Variants in NPIPB15 observed in about 807,000 individuals in gnomAD.
NPIPB15 encodes the protein nuclear pore complex-interacting protein family member B15.
NPIPB15 carries 5 observed loss-of-function variants against 35.9 expected under a neutral mutation model. The observed-to-expected ratio is 0.14, with a 90% CI of 0.07 to 0.29. The LOEUF is 0.29. NPIPB15 is among the 10% of genes least tolerant of loss of function. The probability of loss-of-function intolerance (pLI) is 1.00; values close to 1 mark genes in which losing one functional copy is unlikely to be tolerated. For synonymous variants in NPIPB15, 43 were observed against 182.0 expected (o/e 0.24, Z 6.15); for missense variants, 100 against 506.1 (o/e 0.20, Z 7.70).
intron 2 of NPIPB15, among the ~76,000 whole-genome samples, chr16:74,380,080 C>T (rs2011902828): frequency 6.8e-6 from 1 of 147,356 alleles, no homozygotes; most frequent in Non-Finnish European, 1.5e-5. Context: ...CAATGTTATA[C>T]ATCAATTTAA....
intron 5 of NPIPB15, among the ~76,000 whole-genome samples, chr16:74,389,395 T>TG (rs1480817051): frequency 6.7e-6 from 1 of 149,068 alleles, no homozygotes; most frequent in African/African-American, 2.5e-5. Context: ...TTTTCTGAGA[T>TG]GGAGTCTCAC....
At chr16:74,384,966 T>A (rs7197398) in intron 3 of NPIPB15, among the ~76,000 whole-genome samples, 1 of 130,618 alleles carries the variant, frequency 7.7e-6, no homozygotes, top group Non-Finnish European at 1.6e-5. Context: ...CAGGAGTGAG[T>A]CACCGTGCCA....
intron 5 of NPIPB15, among the ~76,000 whole-genome samples, chr16:74,389,184 C>A (rs2012423359): frequency 7.3e-6 from 1 of 136,154 alleles, no homozygotes; most frequent in South Asian, 2.5e-4. Context: ...TCTTTCTGCC[C>A]TGTGAAACAC....
intron 3 of NPIPB15, among the ~76,000 whole-genome samples, chr16:74,384,826 C>T (rs953537086): frequency 4.0e-5 from 6 of 151,808 alleles, no homozygotes; most frequent in Middle Eastern, 3.2e-3. Context: ...GGATTACAGG[C>T]ATGCACCACC....
Position 74,391,080 on chromosome 16 carries a change from A to G in NPIPB15, c.643-311A>G, listed in dbSNP as rs1294893395. ...ACATAGACACTCCTGTGTCTCAAAC[A>G]TGCCTCTTTATTACTCTGTTATGAC... On this transcript the variant is annotated intron_variant, in intron 7 of 7. Transcript: ENST00000692376. The G allele has an allele frequency of 4.2e-6, 4 of 944,826 alleles. No homozygotes were observed. In the African/African-American group the frequency reaches 7.1e-5, roughly 17 times the overall value. The allele number at this position is 944,826 out of a possible 1,614,324, so 58.5% of individuals were successfully genotyped here. A position where few individuals can be genotyped will look rare whatever the true frequency, so the allele number is the denominator to read the frequency against.
chr16:74,378,666 C>G (rs1405521615), intron 2 of NPIPB15, among the ~76,000 whole-genome samples: 13 of 150,660 alleles, frequency 8.6e-5, no homozygotes, highest in Admixed American at 2.7e-4. Flanking sequence ...CCTGCCTCGG[C>G]CTCCCAGTGC....
chr16:74,387,231 G>A (rs1277314555), intron 5 of NPIPB15, among the ~76,000 whole-genome samples: 5 of 150,574 alleles, frequency 3.3e-5, no homozygotes, highest in Non-Finnish European at 5.9e-5. Context: ...AGTACGGGTC[G>A]CTTTCATTGG....
rs1360859344 is a variant in NPIPB15, at chr16:74,391,779, C to T, written c.1031C>T (p.Pro344Leu). The change falls in exon 8 of 8, where the codon CCC becomes CTC. Residue 344 changes from proline to leucine, a missense_variant. Transcript: ENST00000692376. ...PSVDDNLKTP[P>L]LATQEAEAEK... is the part of the protein sequence containing the mutation. ...GTGGATGATAATCTCAAGACTCCTC[C>T]CTTAGCTACTCAGGAGGCCGAGGCG... 1 of 1,614,018 alleles carries T rather than the reference C, an allele frequency of 6.2e-7. No homozygotes were observed. Among genetic ancestry groups the T allele is most frequent in the Non-Finnish European group, 8.5e-7 (1 of 1,179,886 alleles).
chr16:74,384,868 A>G (rs1673771262), intron 3 of NPIPB15, among the ~76,000 whole-genome samples: 1 of 151,168 alleles, frequency 6.6e-6, no homozygotes, highest in Non-Finnish European at 1.5e-5. Context: ...TTTAGCAGAG[A>G]CAGCATTTCT....
In NPIPB15 at chr16:74,391,550, G is replaced by C. The variant is rs762420124; in HGVS notation, c.802G>C (p.Glu268Gln). 1.2e-6 allele frequency: 2 copies of C among 1,614,052 alleles called. No homozygotes were observed. Among genetic ancestry groups the C allele is most frequent in the African/African-American group, 1.3e-5 (1 of 75,076 alleles). Residue 268 changes from glutamate (E) to glutamine (Q), a missense_variant, in exon 8 of 8, where the codon GAA becomes CAA. Physicochemically the swap from Glu to Gln is conservative, Grantham distance 29. Transcript: ENST00000692376. Reference protein sequence around the residue: ...DNSLSLKTPPECLLHPLPPSV... With the variant: ...DNSLSLKTPPQCLLHPLPPSV... Reference sequence around the variant, plus strand: ...CTCCCTGAGCCTCAAGACACCTCCCGAATGTCTCCTTCATCCCCTTCCACC... The same window carrying C: ...CTCCCTGAGCCTCAAGACACCTCCCCAATGTCTCCTTCATCCCCTTCCACC...
At chr16:74,385,259 GC>G (rs2012214055) in intron 3 of NPIPB15, 82 bp from the exon 4 acceptor site, 1 of 1,583,178 alleles carries the variant, frequency 6.3e-7, no homozygotes, top group African/African-American at 1.3e-5. Context: ...TGATCCACCT[GC>G]CTCGGCCTCC....
At chr16:74,384,794 G>T (rs2012177132) in intron 3 of NPIPB15, among the ~76,000 whole-genome samples, 1 of 148,072 alleles carries the variant, frequency 6.8e-6, no homozygotes, top group African/African-American at 2.5e-5. Flanking sequence ...TGATTCTCCT[G>T]CCTCAGCCTC....
intron 5 of NPIPB15, among the ~76,000 whole-genome samples, 191 bp downstream of exon 5, chr16:74,385,940 A>G (rs2012256747): frequency 1.7e-5 from 2 of 119,512 alleles, no homozygotes; most frequent in Admixed American, 1.0e-4. Flanking sequence ...CTTGTTTGTA[A>G]TTTTTTCGGG....
At chr16:74,377,386 G>T (rs2142642943) in intron 1 of NPIPB15, among the ~76,000 whole-genome samples, 40 bp downstream of exon 1, 1 of 152,124 alleles carries the variant, frequency 6.6e-6, no homozygotes, top group Non-Finnish European at 1.5e-5. Flanking sequence ...CTTGCGAGGA[G>T]TGTGGGAGAC....
chr16:74,379,863 C>T (rs976529905), intron 2 of NPIPB15, among the ~76,000 whole-genome samples: 1 of 152,098 alleles, frequency 6.6e-6, no homozygotes, highest in African/African-American at 2.4e-5. Flanking sequence ...GCTGGGATTG[C>T]AGGCGTGAGC....
intron 2 of NPIPB15, 129 bp from the exon 3 acceptor site, chr16:74,381,387 C>G: frequency 1.9e-6 from 2 of 1,044,042 alleles, no homozygotes; most frequent in South Asian, 3.4e-5. Context: ...GCAGTGGAAT[C>G]CCACGGTGAT....
rs1207851456 is a variant in NPIPB15 at position 74,382,906 on chromosome 16, CTTT to C, written c.249+1227_249+1229del. 6.9e-3 allele frequency among the ~76,000 whole-genome samples: 800 copies of C among 115,224 alleles called. 5 individuals are homozygous for C. Among genetic ancestry groups the C allele is most frequent in the East Asian group, 0.024 (77 of 3,184 alleles). 75.6% of individuals were successfully genotyped at this position (115,224 alleles called of 152,430 possible). On this transcript the variant is annotated intron_variant, in intron 3 of 7. Coordinates refer to ENST00000692376, the MANE Select transcript of NPIPB15 (RefSeq NM_001306094.2). ...AATTTTTGGTATAAATTGGAGGAAG[CTTT>C]TTTTTTTTTTTTTTTTTTCTTTTCT... is the stretch of plus-strand genomic sequence containing the variant.
chr16:74,376,913 G>T lies in NPIPB15; in HGVS notation c.-456G>T, dbSNP rs2011688359. Reference sequence around the variant, plus strand: ...AATTTTGAATTAGCTTTTAATCATTGACTTCTAGCACAGTTATATGATCAG... The same window carrying T: ...AATTTTGAATTAGCTTTTAATCATTTACTTCTAGCACAGTTATATGATCAG... On this transcript the variant is annotated 5_prime_UTR_variant, in exon 1 of 8. An upstream open reading frame in the 5' UTR loses its in-frame stop. Transcript: ENST00000692376. Among the ~76,000 whole-genome samples, 2 of 146,486 alleles carry T rather than the reference G, an allele frequency of 1.4e-5. No homozygotes were observed. The highest frequency in any genetic ancestry group is 1.4e-4 in the Admixed American group (2 of 13,874).
chr16:74,384,683 T>TTTTA (rs2012167742), intron 3 of NPIPB15, among the ~76,000 whole-genome samples: 1 of 87,948 alleles, frequency 1.1e-5, no homozygotes, highest in African/African-American at 4.7e-5. Flanking sequence ...TTTTTTTTTT[T>TTTTA]TTTTTTTTTT....
Sources: gnomAD v4.1 joint callset for allele counts (sites outside exome capture counted in the v4.1 genomes callset) on GRCh38, gnomAD v4.1.1 for gene constraint, MANE v1.5 for transcripts, NCBI Gene and HGNC (gene_info 2026-07-23, HGNC 2026-07-21) for gene names.